The following NKAIN3 variants were observed in gnomAD, a reference collection of about 807,000 sequenced individuals.
NKAIN3 encodes sodium/potassium-transporting ATPase subunit beta-1-interacting protein 3.
Under a neutral mutation model 30.2 loss-of-function variants are expected in NKAIN3, and 25 were observed. The ratio of observed to expected loss-of-function variants is 0.83; its 90% CI spans 0.60 to 1.16. The LOEUF is 1.16. Among genes scored for constraint, NKAIN3 ranks in the 50% most tolerant of loss-of-function variants. The probability of loss-of-function intolerance (pLI) is 0.00; values close to 1 mark genes in which losing one functional copy is unlikely to be tolerated. For missense variants in NKAIN3, 225 were observed against 254.1 expected (o/e 0.89, Z 0.78); for synonymous variants, 91 against 89.6 (o/e 1.02, Z -0.09).
At chr8:62,775,289 G>A (rs1021409743) in intron 4 of NKAIN3, among the ~76,000 whole-genome samples, 9 of 151,314 alleles carry the variant, frequency 5.9e-5, no homozygotes, top group Non-Finnish European at 1.3e-4. Flanking sequence ...TTGGGTCTTC[G>A]TTCATTTTTT....
In NKAIN3 at chr8:62,391,561, A is replaced by T. The variant is rs542452668; in HGVS notation, c.54+142434A>T. On this transcript the variant is annotated intron_variant, in intron 1 of 6. Coordinates refer to ENST00000623646, the MANE Select transcript of NKAIN3 (RefSeq NM_001304533.3). ...TATGGGCACAATGAAAGAAGAAGAG[A>T]AAAGATACATAGAAATGGAATAAAA... Among the ~76,000 whole-genome samples the T allele has an allele frequency of 1.4e-4, 22 of 152,206 alleles. No homozygotes were observed. In the East Asian group the frequency reaches 2.7e-3, roughly 19 times the overall value.
At chr8:62,329,736 A>G (rs780899580) in intron 1 of NKAIN3, among the ~76,000 whole-genome samples, 4 of 151,990 alleles carry the variant, frequency 2.6e-5, no homozygotes, top group Admixed American at 6.6e-5. Flanking sequence ...TATCTAGTCC[A>G]CTGTTGATGG....
At chr8:62,542,037 A>G (rs1031477455) in intron 1 of NKAIN3, among the ~76,000 whole-genome samples, 1 of 152,124 alleles carries the variant, frequency 6.6e-6, no homozygotes, top group African/African-American at 2.4e-5. Flanking sequence ...CACTGAGAAG[A>G]CTCAAATGAC....
chr8:62,883,688 G>A (rs1371858894), intron 4 of NKAIN3, among the ~76,000 whole-genome samples: 1 of 151,710 alleles, frequency 6.6e-6, no homozygotes, highest in African/African-American at 2.4e-5. Flanking sequence ...TTAGCTGTAG[G>A]TTTTTTGTAG....
At chr8:62,318,868 C>A (rs1452916563) in intron 1 of NKAIN3, among the ~76,000 whole-genome samples, 1 of 152,124 alleles carries the variant, frequency 6.6e-6, no homozygotes, top group African/African-American at 2.4e-5. Flanking sequence ...AGGGAGGATT[C>A]CCTCTTTTTC....
intron 4 of NKAIN3, chr8:62,856,225 TG>T (rs1308299468): frequency 1.2e-6 from 1 of 840,766 alleles, no homozygotes; most frequent in African/African-American, 1.7e-5. Flanking sequence ...TGGTTTTCAC[TG>T]GTTCATTTGT....
At chr8:62,507,447 C>T (rs1459421206) in intron 1 of NKAIN3, among the ~76,000 whole-genome samples, 2 of 152,150 alleles carry the variant, frequency 1.3e-5, no homozygotes, top group African/African-American at 4.8e-5. Flanking sequence ...CTATTCTTCC[C>T]AGTCAGTGCC....
At chr8:62,408,777 G>A (rs778613445) in intron 1 of NKAIN3, among the ~76,000 whole-genome samples, 26 of 152,080 alleles carry the variant, frequency 1.7e-4, no homozygotes, top group Non-Finnish European at 2.8e-4. Context: ...GTGAAGGGAA[G>A]TAGAATTTCC....
intron 3 of NKAIN3, among the ~76,000 whole-genome samples, chr8:62,698,928 C>T (rs751244457): frequency 1.3e-5 from 2 of 152,084 alleles, no homozygotes; most frequent in African/African-American, 2.4e-5. Context: ...TAACTGTTTT[C>T]GAATTTCATA....
intron 3 of NKAIN3, among the ~76,000 whole-genome samples, chr8:62,694,780 C>T (rs938700729): frequency 3.3e-5 from 5 of 152,152 alleles, no homozygotes; most frequent in Admixed American, 2.6e-4. Flanking sequence ...AATATTATCT[C>T]ATAGCTTTAT....
intron 1 of NKAIN3, among the ~76,000 whole-genome samples, chr8:62,560,655 T>G (rs1809542559): frequency 1.4e-5 from 2 of 144,560 alleles, no homozygotes; most frequent in African/African-American, 5.0e-5. Flanking sequence ...TTCTCCTGCC[T>G]CAGCCTCCCA....
At chr8:62,452,841 G>T (rs958697568) in intron 1 of NKAIN3, among the ~76,000 whole-genome samples, 18 of 152,144 alleles carry the variant, frequency 1.2e-4, no homozygotes, top group Middle Eastern at 3.4e-3. Flanking sequence ...GCCAAGTGGG[G>T]TACTCCAAAA....
chr8:62,501,572 A>G lies in NKAIN3; in HGVS notation c.55-77967A>G, dbSNP rs72651535. Among the ~76,000 whole-genome samples the G allele has an allele frequency of 4.2e-3, 634 of 152,192 alleles. 13 individuals are homozygous for G. Among genetic ancestry groups the G allele is most frequent in the South Asian group, 1.0e-2 (48 of 4,824 alleles). ...TGTTCCTCCTATGGAGTCAAAGTAT[A>G]TTCTACTCTCTCCATCCTCTGTGTC... On this transcript the variant is annotated intron_variant, in intron 1 of 6. Coordinates refer to ENST00000623646, the MANE Select transcript of NKAIN3 (RefSeq NM_001304533.3).
chr8:62,430,032 C>G (rs1804944446), intron 1 of NKAIN3, among the ~76,000 whole-genome samples: 1 of 151,814 alleles, frequency 6.6e-6, no homozygotes, highest in South Asian at 2.1e-4. Context: ...AAACAACTTT[C>G]ACTTTCTCTG....
intron 1 of NKAIN3, among the ~76,000 whole-genome samples, chr8:62,267,309 T>C (rs1315662268): frequency 6.6e-6 from 1 of 152,242 alleles, no homozygotes; most frequent in African/African-American, 2.4e-5. Flanking sequence ...AAAACATTTT[T>C]CCTTATACAG....
chr8:62,539,227 G>A (rs1297057268), intron 1 of NKAIN3, among the ~76,000 whole-genome samples: 3 of 152,170 alleles, frequency 2.0e-5, no homozygotes, highest in Admixed American at 2.0e-4. Flanking sequence ...TTTTACAAAT[G>A]TGACACCAGG....
At chr8:62,893,210 A>C (rs371954102) in intron 4 of NKAIN3, among the ~76,000 whole-genome samples, 45 of 152,156 alleles carry the variant, frequency 3.0e-4, no homozygotes, top group African/African-American at 1.0e-3. Context: ...CTCTGGGTCA[A>C]GGCTCCTCCA....
Position 62,724,421 on chromosome 8 carries a change from A to G in NKAIN3, c.274-22511A>G, listed in dbSNP as rs575727915. 2.6e-5 allele frequency among the ~76,000 whole-genome samples: 4 copies of G among 152,222 alleles called. No individual in the cohort carries two copies. The South Asian group carries it at 8.3e-4, about 32-fold the overall frequency. ...TTCTGTATTAGTTACTTTTAAATGT[A>G]CAAAAACTATTGTTGACTGTAGTAA... On this transcript the variant is annotated intron_variant, in intron 3 of 6. Coordinates refer to ENST00000623646, the MANE Select transcript of NKAIN3 (RefSeq NM_001304533.3).
intron 3 of NKAIN3, among the ~76,000 whole-genome samples, chr8:62,634,597 T>C (rs1812068059): frequency 6.6e-6 from 1 of 152,192 alleles, no homozygotes; most frequent in South Asian, 2.1e-4. Context: ...GAAAGTTTTG[T>C]CCACAAAGAG....
Sources: allele counts gnomAD v4.1 joint callset (sites outside exome capture counted in the v4.1 genomes callset), GRCh38; gene constraint gnomAD v4.1.1; transcripts MANE v1.5; gene names NCBI Gene and HGNC (gene_info 2026-07-23, HGNC 2026-07-21).